Variants in WWOX observed in about 807,000 individuals in gnomAD.
WWOX encodes WW domain-containing oxidoreductase.
Under a neutral mutation model 46.2 loss-of-function variants are expected in WWOX, and 69 were observed. The ratio of observed to expected loss-of-function variants is 1.49; its 90% CI spans 1.23 to 1.82. The LOEUF (loss-of-function observed/expected upper bound fraction) is 1.82, where lower values mean the gene tolerates loss of function less well. WWOX is among the 40% of genes most tolerant of loss of function. The probability of loss-of-function intolerance (pLI) is 0.00; values close to 1 mark genes in which losing one functional copy is unlikely to be tolerated. For synonymous variants in WWOX, 359 were observed against 202.6 expected (o/e 1.77, Z -6.56); for missense variants, 919 against 542.6 (o/e 1.69, Z -6.89).
chr16:78,319,384 C>CT (rs1323162137), intron 5 of WWOX, among the ~76,000 whole-genome samples: 2 of 152,124 alleles, frequency 1.3e-5, no homozygotes, highest in African/African-American at 2.4e-5. Flanking sequence ...CCTCAACCTC[C>CT]TAAGTAGCTG....
chr16:78,769,230 G>C (rs1031146477), intron 8 of WWOX, among the ~76,000 whole-genome samples: 4 of 152,172 alleles, frequency 2.6e-5, no homozygotes, highest in Admixed American at 6.5e-5. Context: ...TATATACCAG[G>C]CGCTGTTACA....
intron 8 of WWOX, among the ~76,000 whole-genome samples, chr16:78,503,125 G>T (rs527262736): frequency 6.6e-6 from 1 of 152,126 alleles, no homozygotes; most frequent in African/African-American, 2.4e-5. Context: ...ACTCGCAAGC[G>T]ATGTGTGTCT....
At chr16:78,562,729 G>A (rs2044468575) in intron 8 of WWOX, among the ~76,000 whole-genome samples, 1 of 152,192 alleles carries the variant, frequency 6.6e-6, no homozygotes, top group Non-Finnish European at 1.5e-5. Context: ...GAATGGAGGT[G>A]AAAGCATGCA....
At chr16:78,387,169 C>G (rs2082077210) in intron 6 of WWOX, among the ~76,000 whole-genome samples, 1 of 152,140 alleles carries the variant, frequency 6.6e-6, no homozygotes, top group South Asian at 2.1e-4. Context: ...TCCCACATAC[C>G]AAAAGAGAAG....
intron 8 of WWOX, among the ~76,000 whole-genome samples, chr16:78,689,132 A>G (rs1257582037): frequency 2.0e-5 from 3 of 152,150 alleles, no homozygotes; most frequent in African/African-American, 7.2e-5. Context: ...GCTGCAGAAC[A>G]TCTCCAAACA....
At chr16:78,689,087 T>C (rs2047928029) in intron 8 of WWOX, among the ~76,000 whole-genome samples, 1 of 152,150 alleles carries the variant, frequency 6.6e-6, no homozygotes, top group African/African-American at 2.4e-5. Flanking sequence ...ATGTCTTTAT[T>C]AGTGGCATGA....
At chr16:78,283,271 A>G (rs2079711624) in intron 5 of WWOX, among the ~76,000 whole-genome samples, 1 of 152,064 alleles carries the variant, frequency 6.6e-6, no homozygotes, top group Non-Finnish European at 1.5e-5. Context: ...AGACACAGAA[A>G]TTCTCTGCTG....
chr16:79,166,993 G>T (rs905973249), intron 8 of WWOX, among the ~76,000 whole-genome samples: 1 of 152,054 alleles, frequency 6.6e-6, no homozygotes, highest in Non-Finnish European at 1.5e-5. Flanking sequence ...CCAGGCTGGA[G>T]TGCATGGCCT....
At chr16:78,739,113 C>T (rs1445230852) in intron 8 of WWOX, among the ~76,000 whole-genome samples, 1 of 152,128 alleles carries the variant, frequency 6.6e-6, no homozygotes, top group Non-Finnish European at 1.5e-5. Context: ...TCACAGGAAG[C>T]TTGCAGCAGG....
intron 8 of WWOX, among the ~76,000 whole-genome samples, chr16:79,117,964 T>G (rs1316614413): frequency 6.6e-6 from 1 of 152,248 alleles, no homozygotes; most frequent in African/African-American, 2.4e-5. Context: ...ATAACGCTGT[T>G]TTGGTTTCTA....
chr16:78,887,075 GTGGTGTGTGTGT>G (rs2044475418), intron 8 of WWOX, among the ~76,000 whole-genome samples: 2 of 20,948 alleles, frequency 9.5e-5, no homozygotes, highest in South Asian at 8.8e-3. Context: ...GTGTGTGTGT[GTGGTGTGTGTGT>G]GTGTGTGTGT....
Position 78,854,287 on chromosome 16 carries a change from G to A in WWOX, c.1057-357321G>A, listed in dbSNP as rs140454315. Among the ~76,000 whole-genome samples, 6 of 152,148 alleles carry A rather than the reference G, an allele frequency of 3.9e-5. No individual in the cohort carries two copies. The East Asian group carries it at 1.2e-3, about 29-fold the overall frequency. ...AAAATGAAAAGATGTTACTATGCAG[G>A]TAACTTTATTTATTATTTGCATGCA... On this transcript the variant is annotated intron_variant, in intron 8 of 8. Coordinates refer to ENST00000566780, the MANE Select transcript of WWOX (RefSeq NM_016373.4).
chr16:79,007,350 G>C (rs186160795), intron 8 of WWOX, among the ~76,000 whole-genome samples: 1 of 152,194 alleles, frequency 6.6e-6, no homozygotes, highest in South Asian at 2.1e-4. Context: ...ATGATGTGAA[G>C]AACTGGAAAG....
chr16:78,970,140 A>G (rs538149034), intron 8 of WWOX, among the ~76,000 whole-genome samples: 5 of 152,288 alleles, frequency 3.3e-5, no homozygotes, highest in African/African-American at 4.8e-5. Context: ...TGAGTAGCAC[A>G]TCGTGGAATG....
Position 78,515,757 on chromosome 16 carries a change from A to C in WWOX, c.1056+83005A>C, listed in dbSNP as rs371806900. Among the ~76,000 whole-genome samples the C allele has an allele frequency of 1.9e-3, 290 of 152,314 alleles. 2 individuals are homozygous for C. The highest frequency in any genetic ancestry group is 6.7e-3 in the African/African-American group (279 of 41,578). The stretch of plus-strand genomic sequence containing the variant: ...TCTGCGTGTTCAGCACTTCTGCAAC[A>C]GTTTCTTCTGCAAAGGTAACTTAGC... On this transcript the variant is annotated intron_variant, in intron 8 of 8. Coordinates refer to ENST00000566780, the MANE Select transcript of WWOX (RefSeq NM_016373.4).
intron 8 of WWOX, among the ~76,000 whole-genome samples, chr16:78,913,633 A>G (rs1323385520): frequency 6.8e-6 from 1 of 146,896 alleles, no homozygotes; most frequent in East Asian, 1.9e-4. Flanking sequence ...CATTACCCCA[A>G]CCAATACCTG....
chr16:78,445,856 T>G (rs2083547254), intron 8 of WWOX, among the ~76,000 whole-genome samples: 1 of 125,102 alleles, frequency 8.0e-6, no homozygotes, highest in Non-Finnish European at 1.6e-5. Flanking sequence ...CCAGCCTGGG[T>G]GATGGAGCAA....
intron 5 of WWOX, among the ~76,000 whole-genome samples, chr16:78,322,161 T>TG (rs2080497918): frequency 6.6e-6 from 1 of 152,022 alleles, no homozygotes; most frequent in Non-Finnish European, 1.5e-5. Context: ...GGATGGTTGG[T>TG]GGGGGGAAGA....
Position 78,196,653 on chromosome 16 carries a change from C to G in WWOX, c.516+32364C>G, listed in dbSNP as rs114578461. On this transcript the variant is annotated intron_variant, in intron 5 of 8. Coordinates refer to ENST00000566780, the MANE Select transcript of WWOX (RefSeq NM_016373.4). ...CCAATTAGGGCGAACCTTGTCTCCA[C>G]TGAGACTCTGGGGAAAAGCACAGCC... Among the ~76,000 whole-genome samples, 758 of 152,310 alleles carry G rather than the reference C, an allele frequency of 5.0e-3. 8 individuals are homozygous for G. The highest frequency in any genetic ancestry group is 0.018 in the African/African-American group (729 of 41,564).
Sources: gnomAD v4.1 joint callset for allele counts (sites outside exome capture counted in the v4.1 genomes callset) on GRCh38, gnomAD v4.1.1 for gene constraint, MANE v1.5 for transcripts, NCBI Gene and HGNC (gene_info 2026-07-23, HGNC 2026-07-21) for gene names.